The following MAP4K3 variants were observed in gnomAD, a reference collection of about 807,000 sequenced individuals.
The protein encoded by MAP4K3 is MAPK/ERK kinase kinase kinase 3.
Under a neutral mutation model 143.5 loss-of-function variants are expected in MAP4K3, and 94 were observed. That is an observed-to-expected ratio of 0.65 (90% CI 0.55 to 0.78). The LOEUF (loss-of-function observed/expected upper bound fraction) is 0.78. Among genes scored for constraint, MAP4K3 ranks in the 30% least tolerant of loss-of-function variants. The pLI is 0.00. For missense variants in MAP4K3, 1,077 were observed against 1,068.1 expected, an observed-to-expected ratio of 1.01 and a Z score of -0.12; for synonymous variants, 416 against 347.2, an observed-to-expected ratio of 1.20 and a Z score of -2.20.
At chr2:39,384,520 T>C (rs999667977) in intron 1 of MAP4K3, among the ~76,000 whole-genome samples, 1 of 152,240 alleles carries the variant, frequency 6.6e-6, no homozygotes, top group African/African-American at 2.4e-5. Flanking sequence ...CGCTCCAGCC[T>C]GGGTAACAAG....
intron 31 of MAP4K3, among the ~76,000 whole-genome samples, chr2:39,258,115 A>C (rs1202901279): frequency 6.6e-6 from 1 of 152,036 alleles, no homozygotes; most frequent in Non-Finnish European, 1.5e-5. Context: ...TATTTTTAGT[A>C]GACACGGGGT....
chr2:39,282,659 T>C lies in MAP4K3; in HGVS notation c.1588-105A>G, dbSNP rs1681588623. ...TCAAATAAAATACATGAATACATTCTTTGTAAAACAAAACATTACAGTTAA... is the reference window on the plus strand; with the variant it reads ...TCAAATAAAATACATGAATACATTCCTTGTAAAACAAAACATTACAGTTAA... On this transcript the variant is annotated intron_variant, in intron 21 of 33. Coordinates refer to ENST00000263881, the MANE Select transcript of MAP4K3 (RefSeq NM_003618.4). 2.4e-5 allele frequency: 18 copies of C among 762,642 alleles called. 1 individual carries two copies. The South Asian group carries it at 2.4e-4, about 10-fold the overall frequency. 47.2% of individuals were successfully genotyped at this position (762,642 alleles called of 1,614,324 possible). A position where few individuals can be genotyped will look rare whatever the true frequency, so the allele number is the denominator to read the frequency against.
At chr2:39,432,407 T>C (rs1463496305) in intron 1 of MAP4K3, among the ~76,000 whole-genome samples, 1 of 152,228 alleles carries the variant, frequency 6.6e-6, no homozygotes, top group Non-Finnish European at 1.5e-5. Context: ...AAATAGCAAC[T>C]GATGATGGGA....
At chr2:39,263,332 G>A (rs1026622232) in intron 28 of MAP4K3, among the ~76,000 whole-genome samples, 1 of 149,868 alleles carries the variant, frequency 6.7e-6, no homozygotes, top group African/African-American at 2.5e-5. Flanking sequence ...GAGTGCAGTG[G>A]CGCAATCTCG....
intron 22 of MAP4K3, among the ~76,000 whole-genome samples, chr2:39,280,750 G>C (rs1681481777): frequency 6.6e-6 from 1 of 152,036 alleles, no homozygotes; most frequent in Non-Finnish European, 1.5e-5. Flanking sequence ...TTCTTGTTTG[G>C]TTTTATGAGC....
chr2:39,403,451 A>T (rs953391026), intron 1 of MAP4K3, among the ~76,000 whole-genome samples: 1 of 152,104 alleles, frequency 6.6e-6, no homozygotes, highest in African/African-American at 2.4e-5. Flanking sequence ...TGGCGCAGAG[A>T]ATGTGTGTGC....
chr2:39,377,347 C>T (rs375923589), intron 2 of MAP4K3, among the ~76,000 whole-genome samples: 6 of 152,150 alleles, frequency 3.9e-5, no homozygotes, highest in African/African-American at 1.4e-4. Flanking sequence ...AAGGCACTAA[C>T]TGCTGTGGTA....
At chr2:39,367,597 CT>C (rs1286148592) in intron 2 of MAP4K3, among the ~76,000 whole-genome samples, 2 of 151,418 alleles carry the variant, frequency 1.3e-5, no homozygotes, top group African/African-American at 4.9e-5. Flanking sequence ...ATGGCCCTGG[CT>C]CCCTAAAAAA....
rs555365404 is a variant in MAP4K3 at position 39,262,562 on chromosome 2, T to A, written c.2137-1785A>T. On this transcript the variant is annotated intron_variant, in intron 28 of 33. Coordinates refer to ENST00000263881, the MANE Select transcript of MAP4K3 (RefSeq NM_003618.4). The stretch of plus-strand genomic sequence containing the variant: ...CAGTTTAAACACAGAAACAACGCTT[T>A]AAAAAAAAACACAACAGATTTTGAT... Among the ~76,000 whole-genome samples, 583 of 151,456 alleles carry A rather than the reference T, an allele frequency of 3.8e-3. 5 individuals are homozygous for A. The highest frequency in any genetic ancestry group is 0.013 in the African/African-American group (558 of 41,354).
intron 2 of MAP4K3, among the ~76,000 whole-genome samples, chr2:39,369,920 GCA>G (rs1666035443): frequency 6.6e-6 from 1 of 152,106 alleles, no homozygotes; most frequent in Non-Finnish European, 1.5e-5. Context: ...ACCTACATAT[GCA>G]CACACACTCT....
intron 32 of MAP4K3, among the ~76,000 whole-genome samples, chr2:39,253,848 G>A (rs114531183): frequency 2.5e-4 from 38 of 152,200 alleles, no homozygotes; most frequent in African/African-American, 7.7e-4. Flanking sequence ...AGAACTTTCC[G>A]GCATAAATGT....
At chr2:39,318,143 G>A (rs556457755) in intron 12 of MAP4K3, among the ~76,000 whole-genome samples, 2 of 152,204 alleles carry the variant, frequency 1.3e-5, no homozygotes, top group African/African-American at 4.8e-5. Context: ...ACTAACTCAG[G>A]AGCAGAAAAC....
chr2:39,268,631 T>C (rs963522789), intron 26 of MAP4K3, among the ~76,000 whole-genome samples: 10 of 129,196 alleles, frequency 7.7e-5, no homozygotes, highest in Non-Finnish European at 1.7e-4. Flanking sequence ...AAAGATTTTT[T>C]CTATTTTTTT....
intron 16 of MAP4K3, among the ~76,000 whole-genome samples, chr2:39,296,240 T>C (rs956380837): frequency 1.3e-4 from 20 of 152,358 alleles, no homozygotes; most frequent in Non-Finnish European, 2.4e-4. Context: ...ATGCATGATT[T>C]ACTTTTTAGG....
chr2:39,264,225 A>C (rs771652739), intron 28 of MAP4K3, among the ~76,000 whole-genome samples: 2 of 152,216 alleles, frequency 1.3e-5, no homozygotes, highest in Non-Finnish European at 2.9e-5. Context: ...AATGTTTGCC[A>C]TAAATGGGCT....
chr2:39,436,563 C>T (rs1351821311), intron 1 of MAP4K3: 1 of 278,544 alleles, frequency 3.6e-6, no homozygotes, highest in Admixed American at 5.2e-5. Flanking sequence ...ACCCTGCCAA[C>T]GCAACAAACG....
At chr2:39,259,708 T>A (rs1235941547) in intron 29 of MAP4K3, among the ~76,000 whole-genome samples, 11 of 152,196 alleles carry the variant, frequency 7.2e-5, no homozygotes, top group Admixed American at 7.2e-4. Flanking sequence ...GTGAAACATA[T>A]AAAATGAAAA....
intron 13 of MAP4K3, among the ~76,000 whole-genome samples, chr2:39,310,340 A>T (rs1384384371): frequency 5.3e-5 from 8 of 152,224 alleles, no homozygotes; most frequent in Admixed American, 5.2e-4. Context: ...ATGAATGAGG[A>T]CATGAGACAT....
At chr2:39,418,026 C>T (rs564109626) in intron 1 of MAP4K3, among the ~76,000 whole-genome samples, 2 of 152,144 alleles carry the variant, frequency 1.3e-5, no homozygotes, top group Admixed American at 1.3e-4. Flanking sequence ...CATGGTGAAA[C>T]CCTATCTCCA....
Sources: gnomAD v4.1 joint callset for allele counts (sites outside exome capture counted in the v4.1 genomes callset) on GRCh38, gnomAD v4.1.1 for gene constraint, MANE v1.5 for transcripts, NCBI Gene and HGNC (gene_info 2026-07-23, HGNC 2026-07-21) for gene names.